LEMD1: variants seen among roughly 807,000 people sequenced by gnomAD.
The protein encoded by LEMD1 is LEM domain containing 1, also known as LEM domain-containing protein 1.
LEMD1 carries 18 observed loss-of-function variants against 17.4 expected under a neutral mutation model. The observed-to-expected ratio is 1.04, with a 90% CI of 0.72 to 1.54. LEMD1 has a LOEUF of 1.54. Ranked by LOEUF, LEMD1 falls within the 40% of genes most tolerant of loss-of-function variation. The pLI is 0.00. For missense variants in LEMD1, 195 were observed against 210.4 expected, an observed-to-expected ratio of 0.93 and a Z score of 0.45; for synonymous variants, 88 against 77.8, an observed-to-expected ratio of 1.13 and a Z score of -0.69.
chr1:205,407,448 G>A (rs900728572), intron 4 of LEMD1, among the ~76,000 whole-genome samples: 15 of 152,006 alleles, frequency 9.9e-5, no homozygotes, highest in East Asian at 7.7e-4. Context: ...TCAATCATGC[G>A]TAAGTAACAG....
At chr1:205,399,337 G>C (rs1010418734) in intron 4 of LEMD1, among the ~76,000 whole-genome samples, 1 of 152,170 alleles carries the variant, frequency 6.6e-6, no homozygotes, top group African/African-American at 2.4e-5. Flanking sequence ...TGATTAGAAA[G>C]AACATTGGGT....
In LEMD1 at chr1:205,409,746, C is replaced by T. The variant is rs114513968; in HGVS notation, c.270+6486G>A. 3.5e-3 allele frequency among the ~76,000 whole-genome samples: 534 copies of T among 150,884 alleles called. 3 individuals are homozygous for T. The highest frequency in any genetic ancestry group is 0.012 in the African/African-American group (498 of 40,998). On this transcript the variant is annotated intron_variant, in intron 4 of 5. Transcript: ENST00000367153. ...CTCCTGAGTAGCTTGGGACCACAAG[C>T]ATGCGTGCCACTATGCCCAGTTAAT...
At chr1:205,398,601 T>A (rs950992457) in intron 4 of LEMD1, among the ~76,000 whole-genome samples, 1 of 152,142 alleles carries the variant, frequency 6.6e-6, no homozygotes, top group African/African-American at 2.4e-5. Flanking sequence ...CTCTACACAC[T>A]AAGAAAAGAG....
intron 4 of LEMD1, among the ~76,000 whole-genome samples, chr1:205,397,473 G>A (rs1292287169): frequency 1.3e-5 from 2 of 152,168 alleles, no homozygotes; most frequent in Non-Finnish European, 2.9e-5. Context: ...GCAGGGTGTG[G>A]TGGCACACAC....
chr1:205,434,738 A>G (rs994529818), intron 1 of LEMD1: 5 of 151,606 alleles, frequency 3.3e-5, no homozygotes, highest in African/African-American at 1.2e-4. Flanking sequence ...CATACTCCTG[A>G]CTCTTCCCCC....
chr1:205,404,278 A>T, intron 4 of LEMD1, among the ~76,000 whole-genome samples: 1 of 152,022 alleles, frequency 6.6e-6, no homozygotes, highest in East Asian at 1.9e-4. Context: ...TGTCTCGTTG[A>T]TCTGTCTAAT....
intron 1 of LEMD1, among the ~76,000 whole-genome samples, chr1:205,442,143 C>T (rs1451754849): frequency 6.6e-6 from 1 of 152,172 alleles, no homozygotes; most frequent in Non-Finnish European, 1.5e-5. Context: ...AAGGAAAGCG[C>T]CCTGCGTGGA....
Position 205,448,544 on chromosome 1 carries a change from C to T in LEMD1, c.-39+1324G>A, listed in dbSNP as rs1431340674. 1 of 368,032 alleles carries T rather than the reference C, an allele frequency of 2.7e-6. No homozygotes were observed. Among genetic ancestry groups the T allele is most frequent in the African/African-American group, 2.1e-5 (1 of 46,710 alleles). 22.8% of individuals were successfully genotyped at this position (368,032 alleles called of 1,614,324 possible). Reference sequence around the variant, plus strand: ...GGGCCCCCCAGGTTAAATTCTCTCACCATCTTCCACCACCTGCACTAAAGC... The same window carrying T: ...GGGCCCCCCAGGTTAAATTCTCTCATCATCTTCCACCACCTGCACTAAAGC... On this transcript the variant is annotated intron_variant, in intron 1 of 3. Coordinates refer to the LEMD1 transcript ENST00000367154. The surrounding 1 kb of genome is among the most constrained non-coding windows in gnomAD (Gnocchi z 4.7).
At chr1:205,418,344 C>T (rs560559359) in intron 3 of LEMD1, among the ~76,000 whole-genome samples, 5 of 152,134 alleles carry the variant, frequency 3.3e-5, no homozygotes, top group African/African-American at 9.7e-5. Flanking sequence ...AAGCTAGAAA[C>T]CACTGCAGGA....
rs549768666 is a variant in LEMD1, at chr1:205,391,968, G to A, written c.271-7604C>T. On this transcript the variant is annotated intron_variant, in intron 4 of 5. Coordinates refer to ENST00000367153, the MANE Select transcript of LEMD1 (RefSeq NM_001199050.2). ...ACCGAAAAAAAAAAAAAAAAAAGCC[G>A]GGCATAGTGGCAGGCACCTGTAATC... Among the ~76,000 whole-genome samples the A allele has an allele frequency of 1.1e-4, 16 of 148,008 alleles. No individual in the cohort carries two copies. In the East Asian group the frequency reaches 1.8e-3, roughly 16 times the overall value.
rs138784963 is a variant in LEMD1 at position 205,438,272 on chromosome 1, T to C, written c.-39+11596A>G. On this transcript the variant is annotated intron_variant, in intron 1 of 3. Coordinates refer to the LEMD1 transcript ENST00000367154. ...AGCAAGAACAAGAGGCCTGATCTCCTCCACAGAATCATCTACCCATGTGCC... is the reference window on the plus strand; with the variant it reads ...AGCAAGAACAAGAGGCCTGATCTCCCCCACAGAATCATCTACCCATGTGCC... 1.3e-3 allele frequency among the ~76,000 whole-genome samples: 198 copies of C among 152,308 alleles called. 1 individual carries two copies. The highest frequency in any genetic ancestry group is 4.6e-3 in the African/African-American group (193 of 41,552).
chr1:205,425,245 C>T (rs758873948), upstream of LEMD1, among the ~76,000 whole-genome samples: 1 of 152,182 alleles, frequency 6.6e-6, no homozygotes, highest in Non-Finnish European at 1.5e-5. Flanking sequence ...AATCCATAAC[C>T]CTCTTCTATT....
intron 5 of LEMD1, among the ~76,000 whole-genome samples, 167 bp downstream of exon 5, chr1:205,384,121 G>T (rs1257242305): frequency 6.6e-6 from 1 of 152,084 alleles, no homozygotes; most frequent in East Asian, 1.9e-4. Context: ...TATGAACAAT[G>T]AACTAGTAAC....
At chr1:205,426,865 G>T (rs1474037558), upstream of LEMD1, among the ~76,000 whole-genome samples, 1 of 152,126 alleles carries the variant, frequency 6.6e-6, no homozygotes, top group Admixed American at 6.6e-5. Context: ...ATCTAGCAAG[G>T]CAGGGCAGGA....
chr1:205,419,067 C>A (rs535928271), intron 3 of LEMD1, among the ~76,000 whole-genome samples, 163 bp downstream of exon 3: 2 of 152,356 alleles, frequency 1.3e-5, no homozygotes, highest in Non-Finnish European at 2.9e-5. Flanking sequence ...TTAACAGATT[C>A]TTTTTACAGC....
At chr1:205,400,685 T>A (rs533036363) in intron 4 of LEMD1, among the ~76,000 whole-genome samples, 48 of 152,122 alleles carry the variant, frequency 3.2e-4, no homozygotes, top group Admixed American at 6.6e-5. Context: ...AGTATTTTTG[T>A]CTTTTTTTTT....
At chr1:205,418,685 T>A (rs1665812613) in intron 3 of LEMD1, among the ~76,000 whole-genome samples, 1 of 152,130 alleles carries the variant, frequency 6.6e-6, no homozygotes, top group Non-Finnish European at 1.5e-5. Flanking sequence ...CCAGCTAATT[T>A]TTGTATTTTT....
chr1:205,427,503 G>GAC lies in LEMD1; in HGVS notation c.-38-6930_-38-6929insGT, dbSNP rs1328944270. Among the ~76,000 whole-genome samples, 957 of 151,520 alleles carry GAC rather than the reference G, an allele frequency of 6.3e-3. 7 individuals are homozygous for GAC. The highest frequency in any genetic ancestry group is 0.022 in the African/African-American group (914 of 41,188). On this transcript the variant is annotated intron_variant, in intron 1 of 3. Transcript: ENST00000367154. The stretch of plus-strand genomic sequence containing the variant: ...AACATTTGAGAGAGAGAGAGAGAGA[G>GAC]AGAGACAGAGAGAGAGACAGACAGA...
At chr1:205,395,720 A>G (rs1664562674) in intron 4 of LEMD1, among the ~76,000 whole-genome samples, 1 of 152,162 alleles carries the variant, frequency 6.6e-6, no homozygotes, top group East Asian at 1.9e-4. Context: ...CTACTGGAAG[A>G]TACGTGCTAC....
Sources: gnomAD v4.1 joint callset for allele counts (sites outside exome capture counted in the v4.1 genomes callset) on GRCh38, gnomAD v4.1.1 for gene constraint, Gnocchi (gnomAD v3.1) non-coding constraint, MANE v1.5 for transcripts, NCBI Gene and HGNC (gene_info 2026-07-23, HGNC 2026-07-21) for gene names.